The following SLC25A15 variants were observed in gnomAD, a reference collection of about 807,000 sequenced individuals.
The protein encoded by SLC25A15 is mitochondrial ornithine transporter 1.
A neutral mutation model predicts 32.3 loss-of-function variants in SLC25A15; 24 were observed. The ratio of observed to expected loss-of-function variants is 0.74; its 90% CI spans 0.54 to 1.04. The LOEUF (loss-of-function observed/expected upper bound fraction) is 1.04. Ranked by LOEUF, SLC25A15 falls within the 50% of genes least tolerant of loss-of-function variation. The probability of loss-of-function intolerance (pLI) is 0.00; values close to 1 mark genes in which losing one functional copy is unlikely to be tolerated. For synonymous variants in SLC25A15, 132 were observed against 142.1 expected (o/e 0.93, Z 0.51); for missense variants, 317 against 374.5 (o/e 0.85, Z 1.27).
intron 3 of SLC25A15, chr13:40,802,108 T>C (rs1013067125): frequency 2.0e-5 from 3 of 152,260 alleles, no homozygotes; most frequent in Non-Finnish European, 4.4e-5. Flanking sequence ...TGGTTAATGC[T>C]CCTAATTGAC....
chr13:40,796,826 A>G (rs985584126), intron 2 of SLC25A15, among the ~76,000 whole-genome samples: 1 of 152,146 alleles, frequency 6.6e-6, no homozygotes, highest in Non-Finnish European at 1.5e-5. Flanking sequence ...TACTGACTCT[A>G]TGTCAAGGAC....
In SLC25A15 at chr13:40,812,319, A is replaced by AT. The variant is rs111506631; in HGVS notation, c.*2662dup. Among the ~76,000 whole-genome samples, 205 of 150,348 alleles carry AT rather than the reference A, an allele frequency of 1.4e-3. 1 individual carries two copies. The highest frequency in any genetic ancestry group is 2.6e-3 in the Admixed American group (39 of 15,098). On this transcript the variant is annotated 3_prime_UTR_variant, in exon 7 of 7. Coordinates refer to ENST00000338625, the MANE Select transcript of SLC25A15 (RefSeq NM_014252.4). ...GAACGGAAACTTAGGTTGGGAGAAT[A>AT]TTTTTTTTTTATTCATTCTGTTTGC...
intron 5 of SLC25A15, among the ~76,000 whole-genome samples, chr13:40,808,189 G>A (rs1336682495): frequency 2.0e-5 from 3 of 152,206 alleles, no homozygotes; most frequent in Admixed American, 6.5e-5. Flanking sequence ...GTGACCAAGC[G>A]AAATATAACC....
At chr13:40,798,876 G>A in intron 2 of SLC25A15, 181 bp from the exon 3 acceptor site, 1 of 985,410 alleles carries the variant, frequency 1.0e-6, no homozygotes. Context: ...GGACTTAGAT[G>A]CCAGGCACAT....
chr13:40,807,003 A>G (rs1882212135), intron 4 of SLC25A15, among the ~76,000 whole-genome samples: 1 of 152,234 alleles, frequency 6.6e-6, no homozygotes, highest in Non-Finnish European at 1.5e-5. Flanking sequence ...ACACCTGAAC[A>G]AATTTCCCAA....
rs1398923135 is a variant in SLC25A15, at chr13:40,812,179, A to G, written c.*2512A>G. Among the ~76,000 whole-genome samples the G allele has an allele frequency of 3.3e-5, 5 of 152,214 alleles. No homozygotes were observed. Among genetic ancestry groups the G allele is most frequent in the Admixed American group, 6.5e-5 (1 of 15,276 alleles). ...CTTCAGAGCCCACAGTCCCCTGCTC[A>G]GTGTCCGGAAAGAAGTCAGTCATCC... On this transcript the variant is annotated 3_prime_UTR_variant, in exon 7 of 7. Coordinates refer to ENST00000338625, the MANE Select transcript of SLC25A15 (RefSeq NM_014252.4).
chr13:40,807,363 A>G lies in SLC25A15; in HGVS notation c.522A>G (p.Ser174=), dbSNP rs1048233546. Residue 174 remains serine (S), a synonymous_variant, in exon 5 of 7, where the codon TCA becomes TCG. Coordinates refer to ENST00000338625, the MANE Select transcript of SLC25A15 (RefSeq NM_014252.4). ...DGPLGFYHGL[S]STLLREVPGY... ...CCTTGGGGTTCTACCATGGACTCTC[A>G]AGCACTTTACTTCGAGAAGTACCAG... is the stretch of plus-strand genomic sequence containing the variant. 1 of 1,614,020 alleles carries G rather than the reference A, an allele frequency of 6.2e-7. No homozygotes were observed. The highest frequency in any genetic ancestry group is 8.5e-7 in the Non-Finnish European group (1 of 1,179,972).
intron 2 of SLC25A15, among the ~76,000 whole-genome samples, chr13:40,797,928 G>C (rs1881722834): frequency 6.6e-6 from 1 of 152,176 alleles, no homozygotes. Flanking sequence ...CTACTACAGG[G>C]TGTGGGGATG....
chr13:40,796,802 T>A (rs1386079969), intron 2 of SLC25A15, among the ~76,000 whole-genome samples: 1 of 152,134 alleles, frequency 6.6e-6, no homozygotes, highest in African/African-American at 2.4e-5. Flanking sequence ...AGATTTCCTC[T>A]GTATCTCGTG....
chr13:40,810,538 T>C lies in SLC25A15; in HGVS notation c.*871T>C, dbSNP rs767132355. Among the ~76,000 whole-genome samples the C allele has an allele frequency of 2.6e-5, 4 of 152,204 alleles. No homozygotes were observed. Among genetic ancestry groups the C allele is most frequent in the Non-Finnish European group, 4.4e-5 (3 of 68,022 alleles). On this transcript the variant is annotated 3_prime_UTR_variant, in exon 7 of 7. Coordinates refer to ENST00000338625, the MANE Select transcript of SLC25A15 (RefSeq NM_014252.4). Reference sequence around the variant, plus strand: ...ATCCTTCTAGATTTGTAAGACAGTATACCTGCATACTGGTGTGGCTTCCAC... The same window carrying C: ...ATCCTTCTAGATTTGTAAGACAGTACACCTGCATACTGGTGTGGCTTCCAC...
In SLC25A15 at chr13:40,810,555, G is replaced by A. The variant is rs1882404651; in HGVS notation, c.*888G>A. On this transcript the variant is annotated 3_prime_UTR_variant, in exon 7 of 7. Transcript: ENST00000338625. Reference sequence around the variant, plus strand: ...AGACAGTATACCTGCATACTGGTGTGGCTTCCACACTTGAGTAAAAGCTTC... The same window carrying A: ...AGACAGTATACCTGCATACTGGTGTAGCTTCCACACTTGAGTAAAAGCTTC... Among the ~76,000 whole-genome samples the A allele has an allele frequency of 6.6e-6, 1 of 152,136 alleles. No homozygotes were observed. Among genetic ancestry groups the A allele is most frequent in the Non-Finnish European group, 1.5e-5 (1 of 68,024 alleles).
At chr13:40,790,906 G>T (rs956860096) in intron 1 of SLC25A15, among the ~76,000 whole-genome samples, 1 of 152,122 alleles carries the variant, frequency 6.6e-6, no homozygotes, top group East Asian at 1.9e-4. Context: ...AATTTAATGT[G>T]TTTAAGTTTG....
chr13:40,796,995 A>G (rs1881687993), intron 2 of SLC25A15, among the ~76,000 whole-genome samples: 1 of 152,200 alleles, frequency 6.6e-6, no homozygotes, highest in African/African-American at 2.4e-5. Flanking sequence ...TTTCTAGGCA[A>G]GTGGAGAAAT....
At chr13:40,797,848 T>G (rs1881719049) in intron 2 of SLC25A15, among the ~76,000 whole-genome samples, 1 of 152,218 alleles carries the variant, frequency 6.6e-6, no homozygotes, top group African/African-American at 2.4e-5. Context: ...TGATGAAGCT[T>G]TAAGAGCTCC....
intron 5 of SLC25A15, 80 bp downstream of exon 5, chr13:40,807,543 C>T (rs1882244538): frequency 6.8e-7 from 1 of 1,467,066 alleles, no homozygotes. Context: ...ATTCTCTGCC[C>T]TTTGTGCTCT....
At position 40,809,652 on chromosome 13, in the gene SLC25A15, G is replaced by A. The variant is rs779899101; in HGVS notation, c.891G>A (p.Gln297=). Residue 297 remains glutamine (Q), a synonymous_variant, in exon 7 of 7, where the codon CAG becomes CAA. Coordinates refer to ENST00000338625, the MANE Select transcript of SLC25A15 (RefSeq NM_014252.4). ...YEYSRKLMMN[Q]LEAY is the part of the protein sequence containing the mutation. ...ATAGCAGGAAGTTGATGATGAACCA[G>A]TTGGAAGCATACTGAAGTGTCTTGG... is the stretch of plus-strand genomic sequence containing the variant. The A allele has an allele frequency of 1.2e-6, 2 of 1,613,322 alleles. No homozygotes were observed. Among genetic ancestry groups the A allele is most frequent in the Non-Finnish European group, 8.5e-7 (1 of 1,179,880 alleles).
In SLC25A15 at chr13:40,793,153, C is replaced by G. The variant is rs1881568629; in HGVS notation, c.-69-5C>G. 1.0e-5 allele frequency: 15 copies of G among 1,495,406 alleles called. No homozygotes were observed. Among genetic ancestry groups the G allele is most frequent in the Non-Finnish European group, 1.4e-5 (15 of 1,074,584 alleles). The allele number at this position is 1,495,406 out of a possible 1,614,324, so 92.6% of individuals were successfully genotyped here. A position where few individuals can be genotyped will look rare whatever the true frequency, so the allele number is the denominator to read the frequency against. Reference sequence around the variant, plus strand: ...GACTAATGGTGAACTCTTGCCTCCCCCCAGGGATATGTGGTGCCTGTCATA... The same window carrying G: ...GACTAATGGTGAACTCTTGCCTCCCGCCAGGGATATGTGGTGCCTGTCATA... On this transcript the variant is annotated splice_region_variant and splice_polypyrimidine_tract_variant and intron_variant, in intron 1 of 6. Coordinates refer to ENST00000338625, the MANE Select transcript of SLC25A15 (RefSeq NM_014252.4).
chr13:40,789,941 T>G (rs1054685247), intron 1 of SLC25A15, among the ~76,000 whole-genome samples: 24 of 152,130 alleles, frequency 1.6e-4, no homozygotes, highest in African/African-American at 5.8e-4. Context: ...GGGGCGCCAG[T>G]GCTGGGCAGC....
At chr13:40,790,226 G>A (rs1264815786) in intron 1 of SLC25A15, among the ~76,000 whole-genome samples, 2 of 152,182 alleles carry the variant, frequency 1.3e-5, no homozygotes, top group Admixed American at 6.5e-5. Flanking sequence ...AGCAGTTCGT[G>A]TTCCCTGGTG....
Sources: gnomAD v4.1 joint callset for allele counts (sites outside exome capture counted in the v4.1 genomes callset) on GRCh38, gnomAD v4.1.1 for gene constraint, MANE v1.5 for transcripts, NCBI Gene and HGNC (gene_info 2026-07-23, HGNC 2026-07-21) for gene names.